The following CDH13 variants were observed in gnomAD, a reference collection of about 807,000 sequenced individuals.
The protein encoded by CDH13 is cadherin 13.
In CDH13, 24 loss-of-function variants were observed where a neutral mutation model predicts 63.8. The observed-to-expected ratio is 0.38, with a 90% CI of 0.27 to 0.53. The LOEUF is 0.53. CDH13 is among the 20% of genes least tolerant of loss of function. The pLI is 0.85. For missense variants in CDH13, 1,049 were observed against 903.1 expected (o/e 1.16, Z -2.07); for synonymous variants, 503 against 355.3 (o/e 1.42, Z -4.67).
chr16:83,212,411 G>A (rs2039364794), intron 4 of CDH13, among the ~76,000 whole-genome samples: 1 of 152,104 alleles, frequency 6.6e-6, no homozygotes, highest in African/African-American at 2.4e-5. Flanking sequence ...CCCCTGAAGA[G>A]GGACTTTCCC....
At chr16:82,907,655 C>T (rs1286753472) in intron 2 of CDH13, among the ~76,000 whole-genome samples, 1 of 152,166 alleles carries the variant, frequency 6.6e-6, no homozygotes, top group African/African-American at 2.4e-5. Flanking sequence ...TGTGTTGCCT[C>T]ACATTGATTT....
chr16:83,115,791 A>G (rs1279485572), intron 3 of CDH13, among the ~76,000 whole-genome samples: 1 of 152,236 alleles, frequency 6.6e-6, no homozygotes, highest in Non-Finnish European at 1.5e-5. Context: ...CAAAGATGAT[A>G]GAGGTTTGTG....
chr16:83,721,149 C>T (rs1372993649), intron 10 of CDH13: 1 of 152,272 alleles, frequency 6.6e-6, no homozygotes, highest in East Asian at 1.9e-4. Context: ...TGGCCACACT[C>T]CTTTGAGGCT....
intron 2 of CDH13, among the ~76,000 whole-genome samples, chr16:82,993,503 T>G (rs538816313): frequency 6.6e-6 from 1 of 152,326 alleles, no homozygotes; most frequent in African/African-American, 2.4e-5. Flanking sequence ...CTCGCCAGCC[T>G]CTTTGCCAAG....
chr16:83,416,760 C>T (rs989262379), intron 6 of CDH13, among the ~76,000 whole-genome samples: 4 of 152,150 alleles, frequency 2.6e-5, no homozygotes, highest in African/African-American at 4.8e-5. Flanking sequence ...GGGGTCAAAT[C>T]TCTGAGATTC....
At chr16:83,763,152 G>A (rs1001020963) in intron 11 of CDH13, among the ~76,000 whole-genome samples, 1 of 152,164 alleles carries the variant, frequency 6.6e-6, no homozygotes, top group Non-Finnish European at 1.5e-5. Flanking sequence ...ATGTTTTCAT[G>A]ACTTAGCAAC....
chr16:83,728,626 T>C (rs1910702639), intron 10 of CDH13, among the ~76,000 whole-genome samples: 1 of 152,120 alleles, frequency 6.6e-6, no homozygotes, highest in South Asian at 2.1e-4. Context: ...AGCGTGTCTC[T>C]CGGCCTTCAA....
At chr16:83,338,220 T>G (rs1362874432) in intron 5 of CDH13, among the ~76,000 whole-genome samples, 1 of 148,436 alleles carries the variant, frequency 6.7e-6, no homozygotes, top group Non-Finnish European at 1.5e-5. Context: ...ATCAGTTTAA[T>G]GTACTCTGAT....
At chr16:83,589,435 G>C (rs1478788709) in intron 7 of CDH13, among the ~76,000 whole-genome samples, 1 of 149,118 alleles carries the variant, frequency 6.7e-6, no homozygotes, top group Non-Finnish European at 1.5e-5. Flanking sequence ...TGATGTTTCT[G>C]CCTCCCTCTC....
At chr16:83,057,924 A>G (rs6565109) in intron 3 of CDH13, among the ~76,000 whole-genome samples, 77,782 of 151,906 alleles carry the variant, frequency 0.51, 20,334 homozygotes, top group African/African-American at 0.63. Context: ...CCTAATTTTG[A>G]AGGCATTAAA....
At chr16:83,553,062 G>A (rs1186960255) in intron 7 of CDH13, among the ~76,000 whole-genome samples, 3 of 140,688 alleles carry the variant, frequency 2.1e-5, no homozygotes, top group Non-Finnish European at 3.1e-5. Flanking sequence ...CTGGGCGACA[G>A]AGTGAGACTC....
At chr16:82,627,799 C>A (rs1907519817) in intron 1 of CDH13, among the ~76,000 whole-genome samples, 1 of 152,240 alleles carries the variant, frequency 6.6e-6, no homozygotes, top group Non-Finnish European at 1.5e-5. Context: ...AGGGCCGGAG[C>A]GTGTCCCCCG....
intron 5 of CDH13, among the ~76,000 whole-genome samples, chr16:83,313,194 A>C (rs2090036741): frequency 6.6e-6 from 1 of 152,218 alleles, no homozygotes; most frequent in Non-Finnish European, 1.5e-5. Flanking sequence ...ACATTGAATA[A>C]ATGACAGCCC....
chr16:83,698,760 G>T (rs563467977), intron 10 of CDH13, among the ~76,000 whole-genome samples: 1 of 152,324 alleles, frequency 6.6e-6, no homozygotes, highest in South Asian at 2.1e-4. Flanking sequence ...GTTAGAGCAC[G>T]GTTGGCAAGT....
intron 1 of CDH13, among the ~76,000 whole-genome samples, chr16:82,771,463 A>G (rs1343742036): frequency 1.3e-5 from 2 of 152,158 alleles, no homozygotes; most frequent in Non-Finnish European, 1.5e-5. Context: ...GTAAAGGGCA[A>G]TTAATCTATT....
chr16:82,906,623 G>T (rs1015833558), intron 2 of CDH13, among the ~76,000 whole-genome samples: 1 of 152,130 alleles, frequency 6.6e-6, no homozygotes, highest in African/African-American at 2.4e-5. Flanking sequence ...TCCGAGAGCT[G>T]GAGTAACAGA....
intron 5 of CDH13, among the ~76,000 whole-genome samples, chr16:83,283,326 T>A (rs549588097): frequency 6.6e-6 from 1 of 152,268 alleles, no homozygotes; most frequent in South Asian, 2.1e-4. Flanking sequence ...TACGGTGGCT[T>A]ACTCCTGTAA....
intron 11 of CDH13, 74 bp from the exon 12 acceptor site, chr16:83,779,893 CA>C: frequency 2.1e-6 from 2 of 949,508 alleles, no homozygotes; most frequent in Non-Finnish European, 3.2e-6. Context: ...ACTAAGTTTA[CA>C]ATGCAAAAAG....
chr16:82,886,951 C>A (rs758929724), intron 2 of CDH13, among the ~76,000 whole-genome samples: 5 of 152,058 alleles, frequency 3.3e-5, no homozygotes, highest in Non-Finnish European at 5.9e-5. Context: ...ATTCTGTATG[C>A]CTTCTATGTC....
Sources: allele counts gnomAD v4.1 joint callset (sites outside exome capture counted in the v4.1 genomes callset), GRCh38; gene constraint gnomAD v4.1.1; transcripts MANE v1.5; gene names NCBI Gene and HGNC (gene_info 2026-07-23, HGNC 2026-07-21).